PTPN9: variants seen among roughly 807,000 people sequenced by gnomAD.
PTPN9 encodes protein tyrosine phosphatase non-receptor type 9.
PTPN9 carries 26 observed loss-of-function variants against 69.8 expected under a neutral mutation model. The ratio of observed to expected loss-of-function variants is 0.37; its 90% CI spans 0.27 to 0.52. The LOEUF (loss-of-function observed/expected upper bound fraction) is 0.52. Among genes scored for constraint, PTPN9 ranks in the 20% least tolerant of loss-of-function variants. The pLI is 0.91. For missense variants in PTPN9, 549 were observed against 740.3 expected (o/e 0.74, Z 3.00); for synonymous variants, 274 against 272.5 (o/e 1.01, Z -0.05).
chr15:75,485,177 C>T (rs560915704), intron 8 of PTPN9, among the ~76,000 whole-genome samples: 49 of 152,154 alleles, frequency 3.2e-4, no homozygotes, highest in African/African-American at 1.0e-3. Context: ...CCAGGGTGCA[C>T]CCAGTCAGCC....
intron 7 of PTPN9, among the ~76,000 whole-genome samples, chr15:75,496,267 C>T (rs1318671059): frequency 2.7e-5 from 4 of 149,346 alleles, no homozygotes; most frequent in Non-Finnish European, 5.9e-5. Flanking sequence ...GAAATCCCAT[C>T]TGTTCTAAAA....
At chr15:75,520,785 G>C (rs2074900654) in intron 4 of PTPN9, among the ~76,000 whole-genome samples, 2 of 151,986 alleles carry the variant, frequency 1.3e-5, no homozygotes, top group African/African-American at 4.8e-5. Flanking sequence ...AAAGTGCTGG[G>C]ACTACACGCG....
intron 7 of PTPN9, among the ~76,000 whole-genome samples, chr15:75,502,381 G>A (rs1015457133): frequency 1.3e-5 from 2 of 151,980 alleles, no homozygotes; most frequent in Admixed American, 1.3e-4. Context: ...CTGGGAGGCG[G>A]AGGTTGCAGT....
Position 75,468,729 on chromosome 15 carries a change from T to C in PTPN9, c.*40A>G, listed in dbSNP as rs1458076471. ...AGGCTCAGCGGTGTCCAGGGTAGTT[T>C]AAGGAAGGCTGGCCAACAGGTAGGA... is the stretch of plus-strand genomic sequence containing the variant. On this transcript the variant is annotated 3_prime_UTR_variant, in exon 13 of 13. Transcript: ENST00000618819. 5 of 1,591,308 alleles carry C rather than the reference T, an allele frequency of 3.1e-6. No individual in the cohort carries two copies. Among genetic ancestry groups the C allele is most frequent in the Non-Finnish European group, 4.3e-6 (5 of 1,164,584 alleles).
At chr15:75,543,369 G>A (rs921709712) in intron 1 of PTPN9, among the ~76,000 whole-genome samples, 2 of 152,100 alleles carry the variant, frequency 1.3e-5, no homozygotes, top group South Asian at 2.1e-4. Context: ...ATTATTAACC[G>A]CATAAAGAAA....
intron 1 of PTPN9, among the ~76,000 whole-genome samples, chr15:75,540,614 C>T (rs2075004501): frequency 6.6e-6 from 1 of 150,754 alleles, no homozygotes; most frequent in Admixed American, 6.6e-5. Flanking sequence ...ATTGGAAGCA[C>T]TACTTCTGCT....
At chr15:75,548,009 TTAGA>T (rs1292771842) in intron 1 of PTPN9, among the ~76,000 whole-genome samples, 1 of 151,936 alleles carries the variant, frequency 6.6e-6, no homozygotes, top group Non-Finnish European at 1.5e-5. Flanking sequence ...AGACTAAGAT[TTAGA>T]TAGATTATCA....
At chr15:75,565,810 T>C (rs1300633590) in intron 1 of PTPN9, among the ~76,000 whole-genome samples, 2 of 152,136 alleles carry the variant, frequency 1.3e-5, no homozygotes. Flanking sequence ...AAAGGTAATG[T>C]GTAACCTAGA....
At position 75,578,716 on chromosome 15, in the gene PTPN9, G is replaced by C. The variant is rs1444388765; in HGVS notation, c.61C>G (p.Gln21Glu). Residue 21 changes from glutamine (Q) to glutamate (E), a missense_variant and splice_region_variant, in exon 1 of 13, where the codon CAG (glutamine) becomes GAG (glutamate). Physicochemically the swap from Gln to Glu is conservative, Grantham distance 29. Around this residue, in one of 3 missense-constraint regions of PTPN9, gnomAD observed 62 missense variants for 53.6 expected, o/e 1.16. Coordinates refer to ENST00000618819, the MANE Select transcript of PTPN9 (RefSeq NM_002833.4). ...GCGGCGGCCTCGGGCCCGCTTACCT[G>C]CTCCTCCTCCGGGGTCAGCTCCGGC... ...MAPELTPEEE[Q>E]ATKQFLEEIN... 6 of 1,371,336 alleles carry C rather than the reference G, an allele frequency of 4.4e-6. No individual in the cohort carries two copies. The African/African-American group carries it at 9.1e-5, about 21-fold the overall frequency. The allele number at this position is 1,371,336 out of a possible 1,614,324, so 84.9% of individuals were successfully genotyped here. A position where few individuals can be genotyped will look rare whatever the true frequency, so the allele number is the denominator to read the frequency against.
At chr15:75,503,263 A>C (rs2074784849) in intron 7 of PTPN9, among the ~76,000 whole-genome samples, 1 of 137,422 alleles carries the variant, frequency 7.3e-6, no homozygotes, top group Non-Finnish European at 1.5e-5. Flanking sequence ...ATCGTCTGAG[A>C]TGTGGGGAGC....
chr15:75,554,846 C>A (rs766295509), intron 1 of PTPN9, among the ~76,000 whole-genome samples: 17 of 152,164 alleles, frequency 1.1e-4, no homozygotes, highest in Non-Finnish European at 1.9e-4. Flanking sequence ...AATCTGTTAA[C>A]TCACATGTCC....
Position 75,483,570 on chromosome 15 carries a change from C to T in PTPN9, c.1063-3656G>A, listed in dbSNP as rs2074656791. ...TTAGAGGGAAATAGGTAGCGACTGC[C>T]AAGGGTGTGAGGTTTCTTTGGGAAA... On this transcript the variant is annotated intron_variant, in intron 8 of 12. Coordinates refer to ENST00000618819, the MANE Select transcript of PTPN9 (RefSeq NM_002833.4). Among the ~76,000 whole-genome samples, 3 of 152,054 alleles carry T rather than the reference C, an allele frequency of 2.0e-5. No homozygotes were observed. In the South Asian group the frequency reaches 6.2e-4, roughly 31 times the overall value.
chr15:75,473,717 T>G lies in PTPN9; in HGVS notation c.1180A>C (p.Lys394Gln), dbSNP rs1013135078. 3 of 1,586,788 alleles carry G rather than the reference T, an allele frequency of 1.9e-6. No individual in the cohort carries two copies. In the African/African-American group the frequency reaches 4.0e-5, roughly 21 times the overall value. ...RDFWLMVWEQ[K>Q]VLVIVMTTRF... ...GTGGTCATGACAATCACCAAGACTT[T>G]TTGCTCCCATACCATGAGCCAGAAA... The change falls in exon 10 of 13, where the codon AAA becomes CAA. Residue 394 changes from lysine to glutamine, a missense_variant. Transcript: ENST00000618819.
chr15:75,512,247 G>A (rs2074848844), intron 5 of PTPN9, among the ~76,000 whole-genome samples: 1 of 151,666 alleles, frequency 6.6e-6, no homozygotes, highest in African/African-American at 2.4e-5. Context: ...TTATCAACTG[G>A]GCTGGAATGC....
intron 1 of PTPN9, among the ~76,000 whole-genome samples, chr15:75,558,061 C>T (rs193159932): frequency 2.0e-5 from 3 of 152,168 alleles, no homozygotes; most frequent in East Asian, 1.9e-4. Context: ...CAGGCGCAGT[C>T]GCTCACACCT....
rs990909256 is a variant in PTPN9, at chr15:75,508,039, CAAAAAAA to C, written c.639+871_639+877del. ...CCTAGGCAACAGAGTGAGACACTCTCAAAAAAAAAAAAAAAAAAAAAAAAAGAAAAGC... is the reference window on the plus strand; with the variant it reads ...CCTAGGCAACAGAGTGAGACACTCTCAAAAAAAAAAAAAAAAAAGAAAAGC... On this transcript the variant is annotated intron_variant, in intron 6 of 12. Transcript: ENST00000618819. 2.9e-4 allele frequency among the ~76,000 whole-genome samples: 11 copies of C among 37,380 alleles called. 1 individual carries two copies. The highest frequency in any genetic ancestry group is 1.7e-3 in the East Asian group (2 of 1,166). The allele number at this position is 37,380 out of a possible 152,430, so 24.5% of individuals were successfully genotyped here.
At chr15:75,510,536 C>T (rs549500107) in intron 5 of PTPN9, among the ~76,000 whole-genome samples, 9 of 152,134 alleles carry the variant, frequency 5.9e-5, no homozygotes, top group Non-Finnish European at 1.2e-4. Flanking sequence ...CTGCTCCTGG[C>T]GTGAAGTTCT....
rs150048417 is a variant in PTPN9 at position 75,522,577 on chromosome 15, G to A, written c.422+544C>T. ...CGCTACCACACCCAGCTAATTTTTT[G>A]TATTTTTTATCAGAGACAGGGTTTC... On this transcript the variant is annotated intron_variant, in intron 4 of 12. Transcript: ENST00000618819. 2.7e-3 allele frequency among the ~76,000 whole-genome samples: 411 copies of A among 151,922 alleles called. 2 individuals are homozygous for A. Among genetic ancestry groups the A allele is most frequent in the African/African-American group, 9.4e-3 (389 of 41,474 alleles).
At chr15:75,541,365 G>A (rs1464323968) in intron 1 of PTPN9, among the ~76,000 whole-genome samples, 1 of 151,426 alleles carries the variant, frequency 6.6e-6, no homozygotes, top group Non-Finnish European at 1.5e-5. Context: ...TTACAGGCAT[G>A]ATCCACCACA....
Sources: allele counts gnomAD v4.1 joint callset (sites outside exome capture counted in the v4.1 genomes callset), GRCh38; gene constraint gnomAD v4.1.1; regional missense constraint gnomAD v4.1.1; transcripts MANE v1.5; gene names NCBI Gene and HGNC (gene_info 2026-07-23, HGNC 2026-07-21).